VSTM2A: variants seen among roughly 807,000 people sequenced by gnomAD.
The protein encoded by VSTM2A is V-set and transmembrane domain-containing protein 2A.
VSTM2A carries 13 observed loss-of-function variants against 27.3 expected under a neutral mutation model. The ratio of observed to expected loss-of-function variants is 0.48; its 90% CI spans 0.31 to 0.76. The LOEUF is 0.76. Among genes scored for constraint, VSTM2A ranks in the 30% least tolerant of loss-of-function variants. The pLI is 0.05. For missense variants in VSTM2A, 280 were observed against 310.0 expected, an observed-to-expected ratio of 0.90 and a Z score of 0.73; for synonymous variants, 142 against 125.7, an observed-to-expected ratio of 1.13 and a Z score of -0.87.
At chr7:54,563,446 G>T (rs566893367) in intron 4 of VSTM2A, among the ~76,000 whole-genome samples, 3 of 152,240 alleles carry the variant, frequency 2.0e-5, no homozygotes, top group Non-Finnish European at 4.4e-5. Flanking sequence ...CATCCCATCT[G>T]CACAAAATCA....
Position 54,549,942 on chromosome 7 carries a change from G to T in VSTM2A, c.406G>T (p.Glu136Ter). ...ECRVTDANYG[E>*]LQEHKAQAYL... is the part of the protein sequence containing the mutation. ...CAGGGTGACTGATGCCAACTACGGG[G>T]AGCTTCAGGAACACAAGGCCCAGGC... Residue 136 changes from glutamate (E) to a stop codon, truncating the protein, a stop_gained, in exon 4 of 5, where the codon GAG becomes TAG. Transcript: ENST00000402613. LOFTEE classifies it high-confidence loss of function. 1 of 1,613,774 alleles carries T rather than the reference G, an allele frequency of 6.2e-7. No individual in the cohort carries two copies. Among genetic ancestry groups the T allele is most frequent in the Non-Finnish European group, 8.5e-7 (1 of 1,179,808 alleles).
At chr7:54,548,119 CAT>C (rs1425694842) in intron 3 of VSTM2A, among the ~76,000 whole-genome samples, 19 of 152,204 alleles carry the variant, frequency 1.2e-4, no homozygotes, top group African/African-American at 4.3e-4. Flanking sequence ...TTTTCACATA[CAT>C]ATATAACTAG....
chr7:54,545,785 G>C (rs1317894011), intron 2 of VSTM2A, among the ~76,000 whole-genome samples: 1 of 112,040 alleles, frequency 8.9e-6, no homozygotes, highest in East Asian at 3.0e-4. Flanking sequence ...AAGAGAAGGA[G>C]AGAGGGTAGG....
intron 4 of VSTM2A, chr7:54,550,396 G>C (rs562541054): frequency 8.0e-7 from 1 of 1,245,106 alleles, no homozygotes; most frequent in Admixed American, 3.1e-5. Flanking sequence ...CATTTCCAGG[G>C]CATCTGAGAG....
At chr7:54,550,228 G>A in intron 4 of VSTM2A, 58 bp downstream of exon 4, 2 of 1,552,980 alleles carry the variant, frequency 1.3e-6, no homozygotes, top group Non-Finnish European at 1.7e-6. Context: ...CCACAGAAAG[G>A]TCAGTCGTAT....
chr7:54,560,886 G>A (rs1455500514), intron 4 of VSTM2A, among the ~76,000 whole-genome samples: 1 of 152,194 alleles, frequency 6.6e-6, no homozygotes, highest in East Asian at 1.9e-4. Flanking sequence ...ATCAAGCACT[G>A]TGCAGTGAAG....
Position 54,569,286 on chromosome 7 carries a change from C to G in VSTM2A, c.*67C>G. 6.5e-7 allele frequency: 1 copy of G among 1,538,320 alleles called. No homozygotes were observed. Among genetic ancestry groups the G allele is most frequent in the Admixed American group, 2.0e-5 (1 of 48,790 alleles). ...AGAGGCTATCACATGCTTTGTTGATCATATTTTCTTTGGCAAAACACTGAT... is the reference window on the plus strand; with the variant it reads ...AGAGGCTATCACATGCTTTGTTGATGATATTTTCTTTGGCAAAACACTGAT... On this transcript the variant is annotated 3_prime_UTR_variant, in exon 5 of 5. Coordinates refer to ENST00000402613, the MANE Select transcript of VSTM2A (RefSeq NM_001301009.2).
At chr7:54,566,977 G>T (rs35604072) in intron 4 of VSTM2A, among the ~76,000 whole-genome samples, 8,868 of 152,210 alleles carry the variant, frequency 0.058, 289 homozygotes, top group South Asian at 0.095. Context: ...GAATGAAAAT[G>T]ACTATGATGA....
intron 4 of VSTM2A, among the ~76,000 whole-genome samples, chr7:54,566,702 A>G (rs762701045): frequency 2.0e-5 from 3 of 152,220 alleles, no homozygotes; most frequent in Non-Finnish European, 2.9e-5. Context: ...AAACAATTCT[A>G]CACAGTTATT....
intron 2 of VSTM2A, chr7:54,546,274 AG>A: frequency 6.6e-6 from 1 of 151,624 alleles, no homozygotes; most frequent in Non-Finnish European, 1.4e-5. Flanking sequence ...GACAGGAGAG[AG>A]GGTGGTGAGG....
At chr7:54,563,539 G>A (rs1162954268) in intron 4 of VSTM2A, among the ~76,000 whole-genome samples, 1 of 152,164 alleles carries the variant, frequency 6.6e-6, no homozygotes, top group African/African-American at 2.4e-5. Flanking sequence ...AGGCAGCATT[G>A]TGTGCATGCA....
chr7:54,545,155 C>A (rs1050104128), intron 2 of VSTM2A, among the ~76,000 whole-genome samples: 60 of 151,672 alleles, frequency 4.0e-4, no homozygotes, highest in African/African-American at 1.4e-3. Flanking sequence ...GCGGCCTCCA[C>A]CCCCCACCCC....
At chr7:54,542,836 C>T (rs763021510) in intron 1 of VSTM2A, 27 bp downstream of exon 1, 2 of 1,586,958 alleles carry the variant, frequency 1.3e-6, no homozygotes, top group Non-Finnish European at 1.7e-6. Context: ...GGCAAATATA[C>T]ATTTGCTTGC....
At chr7:54,564,872 A>G (rs1788672457) in intron 4 of VSTM2A, among the ~76,000 whole-genome samples, 1 of 152,122 alleles carries the variant, frequency 6.6e-6, no homozygotes, top group South Asian at 2.1e-4. Flanking sequence ...AATATGTTAT[A>G]TCGTAAGAAA....
At chr7:54,559,242 CT>C (rs535269308) in intron 4 of VSTM2A, 3 of 151,698 alleles carry the variant, frequency 2.0e-5, no homozygotes, top group African/African-American at 4.8e-5. Flanking sequence ...AATATATAAT[CT>C]TTTTTTTACA....
chr7:54,546,690 G>GGGACAGCC (rs1215284480), intron 2 of VSTM2A: 42 of 377,804 alleles, frequency 1.1e-4, no homozygotes, highest in African/African-American at 5.3e-4. Context: ...CCGGGACAGC[G>GGGACAGCC]CCGGGACAGC....
intron 4 of VSTM2A, among the ~76,000 whole-genome samples, chr7:54,557,598 T>A (rs1055972992): frequency 6.6e-6 from 1 of 152,104 alleles, no homozygotes; most frequent in African/African-American, 2.4e-5. Context: ...CCTCCCAAAG[T>A]GCTGAGATTG....
intron 4 of VSTM2A, chr7:54,550,419 T>G (rs1788153464): frequency 9.6e-7 from 1 of 1,041,992 alleles, no homozygotes; most frequent in Non-Finnish European, 1.3e-6. Flanking sequence ...GGACTCTGGT[T>G]TTTATCCTTT....
In VSTM2A at chr7:54,542,662, C is replaced by T. The variant is rs1787818960; in HGVS notation, c.-69C>T. 5 of 1,436,388 alleles carry T rather than the reference C, an allele frequency of 3.5e-6. No individual in the cohort carries two copies. Among genetic ancestry groups the T allele is most frequent in the Non-Finnish European group, 4.9e-6 (5 of 1,029,060 alleles). The allele number at this position is 1,436,388 out of a possible 1,614,324, so 89.0% of individuals were successfully genotyped here. On this transcript the variant is annotated 5_prime_UTR_variant, in exon 1 of 5. Coordinates refer to ENST00000402613, the MANE Select transcript of VSTM2A (RefSeq NM_001301009.2). ...GCTCTGAGACTGAGCCTGCCATCCACTCGCACGCCTTTCTTTCAGGGCTTT... is the reference window on the plus strand; with the variant it reads ...GCTCTGAGACTGAGCCTGCCATCCATTCGCACGCCTTTCTTTCAGGGCTTT...
Sources: gnomAD v4.1 joint callset for allele counts (sites outside exome capture counted in the v4.1 genomes callset) on GRCh38, gnomAD v4.1.1 for gene constraint, MANE v1.5 for transcripts, NCBI Gene and HGNC (gene_info 2026-07-23, HGNC 2026-07-21) for gene names.